Variants in ARMC3 observed in about 807,000 individuals in gnomAD.
The protein encoded by ARMC3 is armadillo repeat containing 3, also known as armadillo repeat-containing protein 3.
A neutral mutation model predicts 90.3 loss-of-function variants in ARMC3; 74 were observed. The ratio of observed to expected loss-of-function variants is 0.82; its 90% CI spans 0.68 to 0.99. The LOEUF (loss-of-function observed/expected upper bound fraction) is 0.99, where lower values mean the gene tolerates loss of function less well. Ranked by LOEUF, ARMC3 falls within the 50% of genes least tolerant of loss-of-function variation. The probability of loss-of-function intolerance (pLI) is 0.00; values close to 1 mark genes in which losing one functional copy is unlikely to be tolerated. For missense variants in ARMC3, 958 were observed against 1,042.8 expected (o/e 0.92, Z 1.12); for synonymous variants, 334 against 361.8 (o/e 0.92, Z 0.87).
At chr10:22,998,779 T>C (rs1216706609) in intron 11 of ARMC3, among the ~76,000 whole-genome samples, 4 of 152,246 alleles carry the variant, frequency 2.6e-5, no homozygotes, top group South Asian at 2.1e-4. Flanking sequence ...ATGAATGAGC[T>C]ACAGCCCCAC....
intron 1 of ARMC3, among the ~76,000 whole-genome samples, chr10:22,930,603 G>T (rs16922800): frequency 6.6e-6 from 1 of 152,138 alleles, no homozygotes; most frequent in African/African-American, 2.4e-5. Flanking sequence ...CCTTTCAGAA[G>T]TATCTAGGAG....
intron 18 of ARMC3, among the ~76,000 whole-genome samples, chr10:23,034,312 C>T (rs1443333924): frequency 1.3e-5 from 2 of 152,184 alleles, no homozygotes; most frequent in Non-Finnish European, 2.9e-5. Flanking sequence ...AAGCTTTTAT[C>T]ATAATAGCTA....
At chr10:22,971,531 C>G (rs1367649384) in intron 8 of ARMC3, among the ~76,000 whole-genome samples, 1 of 151,038 alleles carries the variant, frequency 6.6e-6, no homozygotes, top group African/African-American at 2.4e-5. Context: ...ACCTCCACCT[C>G]CTGGCTTCCA....
At chr10:22,983,254 G>T (rs1836271532) in intron 10 of ARMC3, among the ~76,000 whole-genome samples, 1 of 152,116 alleles carries the variant, frequency 6.6e-6, no homozygotes. Context: ...ATGTGAATTT[G>T]CCTGGCCTAC....
At chr10:22,959,377 G>C in intron 5 of ARMC3, 22 bp from the exon 6 acceptor site, 4 of 1,582,896 alleles carry the variant, frequency 2.5e-6, no homozygotes, top group Non-Finnish European at 3.4e-6. Flanking sequence ...GCATACTTGT[G>C]TTATTTATTT....
At chr10:23,037,131 C>G (rs1839152292) in intron 18 of ARMC3, 139 bp from the exon 19 acceptor site, 1 of 730,204 alleles carries the variant, frequency 1.4e-6, no homozygotes, top group African/African-American at 1.8e-5. Flanking sequence ...CAATAGTCCA[C>G]ATCTTTCAGC....
chr10:22,957,906 A>G (rs2131243632), intron 4 of ARMC3, among the ~76,000 whole-genome samples: 1 of 152,324 alleles, frequency 6.6e-6, no homozygotes, highest in East Asian at 1.9e-4. Context: ...AGAAACAAAA[A>G]TATTTTGTGG....
In ARMC3 at chr10:22,955,666, G is replaced by A; in HGVS notation, c.167-141G>A. The A allele has an allele frequency of 5.8e-6, 6 of 1,026,902 alleles. No homozygotes were observed. In the East Asian group the frequency reaches 1.6e-4, roughly 27 times the overall value. The allele number at this position is 1,026,902 out of a possible 1,614,324, so 63.6% of individuals were successfully genotyped here. On this transcript the variant is annotated intron_variant, in intron 3 of 18. Transcript: ENST00000298032. ...AATGTCCGGGATGTGTGTCCTTGAA[G>A]TTTATTCTGAGGGAAATACGAACGG...
chr10:22,998,279 A>C lies in ARMC3; in HGVS notation c.1307A>C (p.Gln436Pro). 11 of 1,612,510 alleles carry C rather than the reference A, an allele frequency of 6.8e-6. No individual in the cohort carries two copies. The highest frequency in any genetic ancestry group is 1.3e-5 in the African/African-American group (1 of 75,040). Residue 436 changes from glutamine (Q) to proline (P), a missense_variant, in exon 11 of 19, where the codon CAG (glutamine) becomes CCG (proline). Coordinates refer to ENST00000298032, the MANE Select transcript of ARMC3 (RefSeq NM_173081.5). ...AMQEPLRLNI[Q>P]NHDIMHAIIS... is the part of the protein sequence containing the mutation. The stretch of plus-strand genomic sequence containing the variant: ...CAGGAGCCCCTGCGCCTGAACATAC[A>C]GAATCACGACATCATGCATGCCATC...
In ARMC3 at chr10:23,029,862, G is replaced by T. The variant is rs560621488; in HGVS notation, c.2046-734G>T. The stretch of plus-strand genomic sequence containing the variant: ...ATTACATGCCATTCTCATTTTGTAG[G>T]TTTTTTTTGCTTTATTTCCTTGTTT... On this transcript the variant is annotated intron_variant, in intron 16 of 18. Coordinates refer to ENST00000298032, the MANE Select transcript of ARMC3 (RefSeq NM_173081.5). Among the ~76,000 whole-genome samples, 339 of 151,692 alleles carry T rather than the reference G, an allele frequency of 2.2e-3. 3 individuals are homozygous for T. Among genetic ancestry groups the T allele is most frequent in the African/African-American group, 7.8e-3 (322 of 41,362 alleles).
intron 2 of ARMC3, among the ~76,000 whole-genome samples, chr10:22,938,977 G>T (rs925222027): frequency 2.0e-5 from 3 of 152,140 alleles, no homozygotes; most frequent in African/African-American, 7.2e-5. Context: ...GAAGTCCTGG[G>T]TGACATGTGA....
At chr10:22,959,870 T>C (rs1159026552) in intron 6 of ARMC3, 1 of 490,566 alleles carries the variant, frequency 2.0e-6, no homozygotes, top group African/African-American at 1.9e-5. Flanking sequence ...GGAAATCTAA[T>C]ATGTGGAAAC....
At chr10:22,938,924 T>C (rs189473520) in intron 2 of ARMC3, among the ~76,000 whole-genome samples, 1 of 152,170 alleles carries the variant, frequency 6.6e-6, no homozygotes, top group East Asian at 1.9e-4. Context: ...TAGTTTCAAG[T>C]ATTATTGTAT....
chr10:22,980,629 G>A (rs572467816), intron 8 of ARMC3, among the ~76,000 whole-genome samples: 2 of 152,134 alleles, frequency 1.3e-5, no homozygotes, highest in Admixed American at 1.3e-4. Flanking sequence ...ATCAAATGAA[G>A]CCAAGAGAAA....
At position 22,981,423 on chromosome 10, in the gene ARMC3, A is replaced by G; in HGVS notation, c.1000A>G (p.Ile334Val). ...LLGSENDGTKIAASQAISAMC... is the reference protein window; with the variant it reads ...LLGSENDGTKVAASQAISAMC... ...GGGTTCTGAAAATGATGGAACTAAA[A>G]TTGCTGCTTCCCAAGCTATTTCAGC... Residue 334 changes from isoleucine (I) to valine (V), a missense_variant, in exon 9 of 19, where the codon ATT (isoleucine) becomes GTT (valine). Transcript: ENST00000298032. 1 of 1,614,090 alleles carries G rather than the reference A, an allele frequency of 6.2e-7. No individual in the cohort carries two copies. Among genetic ancestry groups the G allele is most frequent in the Non-Finnish European group, 8.5e-7 (1 of 1,180,012 alleles).
At chr10:23,010,945 C>CTCCCCTCTCCTACCCTTCCT (rs1837982114) in intron 16 of ARMC3, among the ~76,000 whole-genome samples, 1 of 129,716 alleles carries the variant, frequency 7.7e-6, no homozygotes, top group Non-Finnish European at 1.7e-5. Flanking sequence ...CTTCCTTTCC[C>CTCCCCTCTCCTACCCTTCCT]TTCCCTTCCC....
At chr10:23,004,042 C>G (rs562991991) in intron 13 of ARMC3, among the ~76,000 whole-genome samples, 1 of 152,040 alleles carries the variant, frequency 6.6e-6, no homozygotes, top group African/African-American at 2.4e-5. Flanking sequence ...CTGATCTACT[C>G]AGGAGGCTGA....
At chr10:22,994,590 C>T (rs1460762877) in intron 10 of ARMC3, among the ~76,000 whole-genome samples, 1 of 152,142 alleles carries the variant, frequency 6.6e-6, no homozygotes, top group Admixed American at 6.5e-5. Context: ...GAACTTTATC[C>T]TAAGCAATGG....
intron 11 of ARMC3, among the ~76,000 whole-genome samples, chr10:22,998,707 T>C (rs1837133996): frequency 6.6e-6 from 1 of 152,182 alleles, no homozygotes; most frequent in Non-Finnish European, 1.5e-5. Flanking sequence ...ATTGTCCAAT[T>C]GTTAAGAAAA....
Sources: allele counts gnomAD v4.1 joint callset (sites outside exome capture counted in the v4.1 genomes callset), GRCh38; gene constraint gnomAD v4.1.1; transcripts MANE v1.5; gene names NCBI Gene and HGNC (gene_info 2026-07-23, HGNC 2026-07-21).